SCN2B: variants seen among roughly 807,000 people sequenced by gnomAD.
SCN2B encodes the protein sodium channel regulatory subunit beta-2.
In SCN2B, 14 loss-of-function variants were observed where a neutral mutation model predicts 18.2. The ratio of observed to expected loss-of-function variants is 0.77; its 90% confidence interval spans 0.51 to 1.21. The LOEUF (loss-of-function observed/expected upper bound fraction) is 1.21, where lower values mean the gene tolerates loss of function less well. SCN2B is among the 50% of genes most tolerant of loss of function. SCN2B has a pLI of 0.00. For synonymous variants in SCN2B, 115 were observed against 115.3 expected (o/e 1.00, Z 0.02); for missense variants, 262 against 286.9 (o/e 0.91, Z 0.63).
At chr11:118,172,938 G>A (rs1156533614) in intron 1 of SCN2B, among the ~76,000 whole-genome samples, 2 of 150,526 alleles carry the variant, frequency 1.3e-5, no homozygotes, top group African/African-American at 4.9e-5. Context: ...ACTGTCTCCC[G>A]GGGCAGCCCC....
At position 118,163,594 on chromosome 11, in the gene SCN2B, C is replaced by A. The variant is rs894853207; in HGVS notation, c.*3293G>T. 3 of 152,628 alleles carry A rather than the reference C, an allele frequency of 2.0e-5. No homozygotes were observed. The East Asian group carries it at 5.8e-4, about 29-fold the overall frequency. The allele number at this position is 152,628 out of a possible 1,614,324, so 9.5% of individuals were successfully genotyped here. ...TGTGCTTTGTTCTTATAAGCTAAAT[C>A]CCATGGGTTAGCCAGCCCGTCTCTC... is the stretch of plus-strand genomic sequence containing the variant. On this transcript the variant is annotated 3_prime_UTR_variant, in exon 4 of 4. Transcript: ENST00000278947.
chr11:118,172,024 C>T (rs930415549), intron 1 of SCN2B, among the ~76,000 whole-genome samples: 1 of 152,226 alleles, frequency 6.6e-6, no homozygotes, highest in African/African-American at 2.4e-5. Flanking sequence ...TGTGGCCTCA[C>T]CAGAATCCCA....
At chr11:118,173,688 CTTG>C (rs969358872) in intron 1 of SCN2B, among the ~76,000 whole-genome samples, 3 of 152,142 alleles carry the variant, frequency 2.0e-5, no homozygotes, top group Admixed American at 6.5e-5. Flanking sequence ...ACAATGTTGT[CTTG>C]TTATTATTTG....
chr11:118,168,005 C>A lies in SCN2B; in HGVS notation c.448+80G>T. 6 of 1,263,330 alleles carry A rather than the reference C, an allele frequency of 4.7e-6. No homozygotes were observed. Among genetic ancestry groups the A allele is most frequent in the Non-Finnish European group, 6.8e-6 (6 of 881,886 alleles). The allele number at this position is 1,263,330 out of a possible 1,614,324, so 78.3% of individuals were successfully genotyped here. On this transcript the variant is annotated intron_variant, in intron 3 of 3. Coordinates refer to ENST00000278947, the MANE Select transcript of SCN2B (RefSeq NM_004588.5). This position sits in a 1 kb window ranked among gnomAD's most constrained non-coding sequence, Gnocchi z 4.7. ...CATCCTCAGGAGGGCCTGGCCTCCC[C>A]AAAGTGCCCTGAGCAAATGCCGCAG...
chr11:118,168,746 G>A lies in SCN2B; in HGVS notation c.76C>T (p.Pro26Ser). Residue 26 changes from proline (P) to serine (S), a missense_variant, in exon 2 of 4, where the codon CCA becomes TCA. Pro to Ser is a moderately conservative substitution (Grantham distance 74). Coordinates refer to ENST00000278947, the MANE Select transcript of SCN2B (RefSeq NM_004588.5). This position sits in a 1 kb window ranked among gnomAD's most constrained non-coding sequence, Gnocchi z 4.7. ...ACTGTGACCTCCATGCTCCGTCCTG[G>A]TGGCACTGCAGATGAAGCCACAAGC... ...GLSLFFSLVP[P>S]GRSMEVTVPA... The A allele has an allele frequency of 6.2e-7, 1 of 1,614,196 alleles. No individual in the cohort carries two copies. Among genetic ancestry groups the A allele is most frequent in the Non-Finnish European group, 8.5e-7 (1 of 1,180,040 alleles).
chr11:118,173,533 G>A (rs991847780), intron 1 of SCN2B, among the ~76,000 whole-genome samples: 21 of 152,186 alleles, frequency 1.4e-4, no homozygotes, highest in African/African-American at 5.1e-4. Context: ...TAATATAGGG[G>A]ACAATAAGCC....
In SCN2B at chr11:118,164,639, C is replaced by T. The variant is rs1948362322; in HGVS notation, c.*2248G>A. On this transcript the variant is annotated 3_prime_UTR_variant, in exon 4 of 4. Coordinates refer to ENST00000278947, the MANE Select transcript of SCN2B (RefSeq NM_004588.5). ...TCCCAGGGCACAGATTCTAGAATCT[C>T]TTCATCTTCCCCAACTGTAGCCTTG... 1 of 152,762 alleles carries T rather than the reference C, an allele frequency of 6.5e-6. No individual in the cohort carries two copies. The allele number at this position is 152,762 out of a possible 1,614,324, so 9.5% of individuals were successfully genotyped here.
chr11:118,168,735 G>T lies in SCN2B; in HGVS notation c.87C>A (p.Ser29Arg). 1 of 1,614,208 alleles carries T rather than the reference G, an allele frequency of 6.2e-7. No homozygotes were observed. The highest frequency in any genetic ancestry group is 8.5e-7 in the Non-Finnish European group (1 of 1,180,034). Residue 29 changes from serine to arginine, a missense_variant, in exon 2 of 4, where the codon AGC (serine) becomes AGA (arginine). Coordinates refer to ENST00000278947, the MANE Select transcript of SCN2B (RefSeq NM_004588.5). This position sits in a 1 kb window ranked among gnomAD's most constrained non-coding sequence, Gnocchi z 4.7. ...LFFSLVPPGR[S>R]MEVTVPATLN... is the part of the protein sequence containing the mutation. ...GGGTGGCAGGTACTGTGACCTCCAT[G>T]CTCCGTCCTGGTGGCACTGCAGATG... is the stretch of plus-strand genomic sequence containing the variant.
At chr11:118,175,693 G>T (rs566957524) in intron 1 of SCN2B, among the ~76,000 whole-genome samples, 1 of 152,150 alleles carries the variant, frequency 6.6e-6, no homozygotes, top group African/African-American at 2.4e-5. Flanking sequence ...ACCTCGCTCA[G>T]CCTGTGGGTT....
intron 1 of SCN2B, among the ~76,000 whole-genome samples, chr11:118,170,333 T>G (rs184043777): frequency 1.0e-3 from 153 of 151,902 alleles, no homozygotes; most frequent in Admixed American, 5.1e-3. Context: ...AGTGAGAGAG[T>G]GAGCCCGTTG....
rs532022020 is a variant in SCN2B at position 118,166,275 on chromosome 11, C to T, written c.*612G>A. ...CAATGGAAACGAGGGCCCAACATGGCCTCCTGGGCCAGGGCACATGTCCAG... is the reference window on the plus strand; with the variant it reads ...CAATGGAAACGAGGGCCCAACATGGTCTCCTGGGCCAGGGCACATGTCCAG... On this transcript the variant is annotated 3_prime_UTR_variant, in exon 4 of 4. Coordinates refer to ENST00000278947, the MANE Select transcript of SCN2B (RefSeq NM_004588.5). The T allele has an allele frequency of 1.9e-5, 3 of 161,150 alleles. No homozygotes were observed. Among genetic ancestry groups the T allele is most frequent in the African/African-American group, 7.2e-5 (3 of 41,676 alleles). 10.0% of individuals were successfully genotyped at this position (161,150 alleles called of 1,614,324 possible). A position where few individuals can be genotyped will look rare whatever the true frequency, so the allele number is the denominator to read the frequency against.
At chr11:118,167,117 G>T in intron 3 of SCN2B, 31 bp from the exon 4 acceptor site, 1 of 1,600,764 alleles carries the variant, frequency 6.2e-7, no homozygotes, top group East Asian at 2.2e-5. Context: ...CTGAGCACCA[G>T]GGCTGGGAAA....
chr11:118,167,977 T>A, intron 3 of SCN2B, 108 bp downstream of exon 3: 1 of 857,226 alleles, frequency 1.2e-6, no homozygotes, highest in Non-Finnish European at 1.9e-6. Flanking sequence ...AAATGGTTGC[T>A]CCCATCCTCA....
chr11:118,176,265 G>A (rs1382644969), intron 1 of SCN2B, 97 bp downstream of exon 1: 14 of 1,150,150 alleles, frequency 1.2e-5, no homozygotes, highest in Admixed American at 5.1e-5. Flanking sequence ...GAGGGAAAGC[G>A]CTAGCAATGT....
intron 1 of SCN2B, among the ~76,000 whole-genome samples, chr11:118,169,821 C>T (rs751350735): frequency 1.3e-5 from 2 of 152,130 alleles, no homozygotes; most frequent in Admixed American, 1.3e-4. Context: ...CCCACTCCGA[C>T]ATTCTAAGCA....
chr11:118,170,549 G>A (rs1416005171), intron 1 of SCN2B, among the ~76,000 whole-genome samples: 1 of 152,152 alleles, frequency 6.6e-6, no homozygotes, highest in Non-Finnish European at 1.5e-5. Flanking sequence ...CCTCTTTGGA[G>A]TGTGATAGGA....
chr11:118,175,055 T>C (rs1174743326), intron 1 of SCN2B, among the ~76,000 whole-genome samples: 1 of 152,210 alleles, frequency 6.6e-6, no homozygotes, highest in Non-Finnish European at 1.5e-5. Context: ...AGTCATCTGT[T>C]TCCTCCCTGT....
rs1565464872 is a variant in SCN2B, at chr11:118,174,104, T to TTTTTG, written c.70+2257_70+2258insCAAAA. ...TATTTTTCTTTTCTTTTTTTTTTTTTTTTTTTTTTTTTTTTTGTAGAGACA... is the reference window on the plus strand; with the variant it reads ...TATTTTTCTTTTCTTTTTTTTTTTTTTTTTGTTTTTTTTTTTTTTTTGTAGAGACA... On this transcript the variant is annotated intron_variant, in intron 1 of 3. Transcript: ENST00000278947. Among the ~76,000 whole-genome samples the TTTTTG allele has an allele frequency of 5.3e-3, 673 of 128,150 alleles. 29 individuals carry two copies. Among genetic ancestry groups the TTTTTG allele is most frequent in the African/African-American group, 0.02 (636 of 32,002 alleles). The allele number at this position is 128,150 out of a possible 152,430, so 84.1% of individuals were successfully genotyped here. A position where few individuals can be genotyped will look rare whatever the true frequency, so the allele number is the denominator to read the frequency against.
intron 1 of SCN2B, among the ~76,000 whole-genome samples, chr11:118,172,448 G>A (rs1364731722): frequency 6.6e-6 from 1 of 152,252 alleles, no homozygotes; most frequent in Admixed American, 6.5e-5. Context: ...GCTGAGTGGT[G>A]AAGTGAGCCC....
Sources: gnomAD v4.1 joint callset for allele counts (sites outside exome capture counted in the v4.1 genomes callset) on GRCh38, gnomAD v4.1.1 for gene constraint, Gnocchi (gnomAD v3.1) non-coding constraint, MANE v1.5 for transcripts, NCBI Gene and HGNC (gene_info 2026-07-23, HGNC 2026-07-21) for gene names.